The following FCHSD2 variants were observed in gnomAD, a reference collection of about 807,000 sequenced individuals.
FCHSD2 encodes FCH and double SH3 domains 2, also known as F-BAR and double SH3 domains protein 2.
Under a neutral mutation model 108.1 loss-of-function variants are expected in FCHSD2, and 38 were observed. The observed-to-expected ratio is 0.35, with a 90% confidence interval of 0.27 to 0.46. FCHSD2 has a LOEUF of 0.46. Among genes scored for constraint, FCHSD2 ranks in the 20% least tolerant of loss-of-function variants. The probability of loss-of-function intolerance (pLI) is 1.00; values close to 1 mark genes in which losing one functional copy is unlikely to be tolerated. For missense variants in FCHSD2, 751 were observed against 897.8 expected, an observed-to-expected ratio of 0.84 and a Z score of 2.09; for synonymous variants, 279 against 314.7, an observed-to-expected ratio of 0.89 and a Z score of 1.20.
chr11:72,903,454 C>T (rs1855569000), intron 9 of FCHSD2, among the ~76,000 whole-genome samples: 1 of 152,106 alleles, frequency 6.6e-6, no homozygotes, highest in African/African-American at 2.4e-5. Flanking sequence ...CTCCTGACCT[C>T]GTGATCCACC....
intron 3 of FCHSD2, among the ~76,000 whole-genome samples, chr11:73,058,363 T>C (rs1211033014): frequency 6.6e-6 from 1 of 152,150 alleles, no homozygotes; most frequent in Non-Finnish European, 1.5e-5. Context: ...ATTCCAGTTG[T>C]AACATACTCA....
intron 8 of FCHSD2, among the ~76,000 whole-genome samples, chr11:72,945,099 C>T (rs1247697043): frequency 2.6e-5 from 4 of 152,268 alleles, no homozygotes; most frequent in Admixed American, 2.6e-4. Context: ...CAAGTCAATC[C>T]TAAGCCAAAA....
intron 12 of FCHSD2, among the ~76,000 whole-genome samples, chr11:72,874,736 A>G (rs1012111770): frequency 9.2e-5 from 14 of 152,240 alleles, no homozygotes; most frequent in Non-Finnish European, 1.6e-4. Context: ...TTTAGACTGC[A>G]GTCCCAGAAT....
chr11:73,013,088 C>G (rs185174791), intron 4 of FCHSD2, among the ~76,000 whole-genome samples: 1 of 152,230 alleles, frequency 6.6e-6, no homozygotes, highest in East Asian at 1.9e-4. Context: ...ATTTCAACAC[C>G]TCCATTACGT....
chr11:73,133,248 C>T (rs1861045378), intron 2 of FCHSD2, among the ~76,000 whole-genome samples: 1 of 152,138 alleles, frequency 6.6e-6, no homozygotes, highest in Non-Finnish European at 1.5e-5. Flanking sequence ...TACCATATGA[C>T]CCAGACATTC....
chr11:72,880,295 A>G (rs573784137), intron 12 of FCHSD2, among the ~76,000 whole-genome samples: 2 of 152,310 alleles, frequency 1.3e-5, no homozygotes, highest in South Asian at 2.1e-4. Flanking sequence ...ATGGAACCAC[A>G]AAAGTCCCTG....
chr11:73,141,890 A>G lies in FCHSD2; in HGVS notation c.-13T>C, dbSNP rs1196660090. The G allele has an allele frequency of 1.3e-6, 2 of 1,543,272 alleles. No homozygotes were observed. Among genetic ancestry groups the G allele is most frequent in the Non-Finnish European group, 8.7e-7 (1 of 1,145,390 alleles). On this transcript the variant is annotated 5_prime_UTR_variant, in exon 1 of 20. Transcript: ENST00000409418. Reference sequence around the variant, plus strand: ...GCGGCGGCTGCATGATGCTGAAGGGACATCAATCCTCCCCGACGGCAGCGT... The same window carrying G: ...GCGGCGGCTGCATGATGCTGAAGGGGCATCAATCCTCCCCGACGGCAGCGT...
At chr11:72,899,684 C>T (rs751674869) in intron 10 of FCHSD2, among the ~76,000 whole-genome samples, 23 of 129,198 alleles carry the variant, frequency 1.8e-4, no homozygotes, top group Admixed American at 2.8e-4. Context: ...CGCAGTGAGC[C>T]GTGATTATGC....
At chr11:72,959,880 GTGTGTA>G (rs1018776990) in intron 8 of FCHSD2, among the ~76,000 whole-genome samples, 7 of 151,768 alleles carry the variant, frequency 4.6e-5, no homozygotes, top group African/African-American at 1.5e-4. Flanking sequence ...GTGTGTGTGT[GTGTGTA>G]TGTGTGATAT....
At chr11:73,001,978 T>C (rs563193561) in intron 4 of FCHSD2, among the ~76,000 whole-genome samples, 48 of 152,284 alleles carry the variant, frequency 3.2e-4, no homozygotes, top group Middle Eastern at 3.4e-3. Context: ...ATAAACACAA[T>C]CGATAATTTA....
Position 73,055,343 on chromosome 11 carries a change from GAA to G in FCHSD2, c.165+28350_165+28351del, listed in dbSNP as rs11299720. On this transcript the variant is annotated intron_variant, in intron 3 of 19. Transcript: ENST00000409418. ...GGGCAACAGAGTGAGACCCTGTCTC[GAA>G]AAAAAAAAAAAATTCTGATAAAGAA... is the stretch of plus-strand genomic sequence containing the variant. Among the ~76,000 whole-genome samples, 87 of 144,690 alleles carry G rather than the reference GAA, an allele frequency of 6.0e-4. 1 individual carries two copies. Among genetic ancestry groups the G allele is most frequent in the Middle Eastern group, 3.6e-3 (1 of 278 alleles). The allele number at this position is 144,690 out of a possible 152,430, so 94.9% of individuals were successfully genotyped here. A position where few individuals can be genotyped will look rare whatever the true frequency, so the allele number is the denominator to read the frequency against.
intron 4 of FCHSD2, among the ~76,000 whole-genome samples, chr11:73,015,069 C>G (rs144427542): frequency 6.6e-6 from 1 of 152,160 alleles, no homozygotes; most frequent in South Asian, 2.1e-4. Context: ...GTCTTGAACT[C>G]CTGATCTCAG....
At chr11:73,038,020 C>T (rs1195350413) in intron 3 of FCHSD2, among the ~76,000 whole-genome samples, 3 of 152,180 alleles carry the variant, frequency 2.0e-5, no homozygotes, top group Non-Finnish European at 4.4e-5. Flanking sequence ...CAAGCTTTTT[C>T]CACAAACAAG....
intron 8 of FCHSD2, among the ~76,000 whole-genome samples, chr11:72,922,166 C>T (rs1855986982): frequency 1.3e-5 from 2 of 152,032 alleles, no homozygotes; most frequent in Admixed American, 1.3e-4. Flanking sequence ...GAGGTAAGAT[C>T]CAATATTGGT....
chr11:73,100,466 C>T (rs994889754), intron 2 of FCHSD2, among the ~76,000 whole-genome samples: 1 of 152,058 alleles, frequency 6.6e-6, no homozygotes, highest in Non-Finnish European at 1.5e-5. Flanking sequence ...TGGGTTCAAG[C>T]GATTCTCCCG....
At chr11:72,873,517 C>G (rs1007380887) in intron 12 of FCHSD2, among the ~76,000 whole-genome samples, 4 of 151,930 alleles carry the variant, frequency 2.6e-5, no homozygotes, top group African/African-American at 4.8e-5. Context: ...AATATTTTCC[C>G]CCATTCTGTG....
At chr11:73,067,658 T>G (rs1197215404) in intron 3 of FCHSD2, among the ~76,000 whole-genome samples, 5 of 151,856 alleles carry the variant, frequency 3.3e-5, no homozygotes, top group African/African-American at 9.7e-5. Context: ...AAGGAACAAG[T>G]GCAAAATCAT....
intron 3 of FCHSD2, among the ~76,000 whole-genome samples, chr11:73,044,982 A>T (rs1858723890): frequency 6.6e-6 from 1 of 151,884 alleles, no homozygotes; most frequent in African/African-American, 2.4e-5. Context: ...AGGCAAGAGA[A>T]TCACTTGAAC....
intron 3 of FCHSD2, among the ~76,000 whole-genome samples, chr11:73,062,394 A>G (rs1165848889): frequency 6.6e-6 from 1 of 152,260 alleles, no homozygotes; most frequent in Non-Finnish European, 1.5e-5. Flanking sequence ...CCAAAGGATC[A>G]CAATTCCTCA....
Sources: allele counts gnomAD v4.1 joint callset (sites outside exome capture counted in the v4.1 genomes callset), GRCh38; gene constraint gnomAD v4.1.1; transcripts MANE v1.5; gene names NCBI Gene and HGNC (gene_info 2026-07-23, HGNC 2026-07-21).